TRAF3: variants seen among roughly 807,000 people sequenced by gnomAD.
TRAF3 encodes the protein TNF receptor associated factor 3.
TRAF3 carries 13 observed loss-of-function variants against 62.3 expected under a neutral mutation model. The ratio of observed to expected loss-of-function variants is 0.21; its 90% confidence interval spans 0.14 to 0.33. TRAF3 has a LOEUF of 0.33. Among genes scored for constraint, TRAF3 ranks in the 10% least tolerant of loss-of-function variants. The probability of loss-of-function intolerance (pLI) is 1.00; values close to 1 mark genes in which losing one functional copy is unlikely to be tolerated. For missense variants in TRAF3, 440 were observed against 741.8 expected (o/e 0.59, Z 4.73); for synonymous variants, 269 against 283.4 (o/e 0.95, Z 0.51).
At chr14:102,893,372 A>G (rs1889830741) in intron 9 of TRAF3, among the ~76,000 whole-genome samples, 1 of 150,894 alleles carries the variant, frequency 6.6e-6, no homozygotes, top group Non-Finnish European at 1.5e-5. Context: ...CCTGGGCGAC[A>G]GAATGAGACT....
intron 6 of TRAF3, among the ~76,000 whole-genome samples, chr14:102,880,908 T>C (rs1889013378): frequency 6.6e-6 from 1 of 151,848 alleles, no homozygotes; most frequent in African/African-American, 2.4e-5. Flanking sequence ...AGAAACCCCA[T>C]CTCTATTAAA....
rs1566812248 is a variant in TRAF3, at chr14:102,905,244, CCAGATGCTGAGTGTGCACGA to C, written c.1170_1189del (p.Gln390HisfsTer57). The stretch of plus-strand genomic sequence containing the variant: ...TGGAGTCCCAGCTGAGCCGGCATGA[CCAGATGCTGAGTGTGCACGA>C]CATCCGCCTAGCCGACATGGACCTG... On this transcript the variant is annotated frameshift_variant, in exon 12 of 12. Transcript: ENST00000392745. LOFTEE classifies it high-confidence loss of function. The C allele has an allele frequency of 6.2e-7, 1 of 1,614,120 alleles. No homozygotes were observed. Among genetic ancestry groups the C allele is most frequent in the Non-Finnish European group, 8.5e-7 (1 of 1,180,048 alleles).
intron 7 of TRAF3, among the ~76,000 whole-genome samples, chr14:102,889,130 A>G (rs559961470): frequency 2.6e-5 from 4 of 152,176 alleles, no homozygotes; most frequent in Non-Finnish European, 1.5e-5. Context: ...CTTTGAAAAT[A>G]TATTTATTTT....
At chr14:102,819,300 T>C (rs1899749651) in intron 1 of TRAF3, among the ~76,000 whole-genome samples, 1 of 152,148 alleles carries the variant, frequency 6.6e-6, no homozygotes, top group African/African-American at 2.4e-5. Context: ...GGGCCCTTCC[T>C]GAGTGTTACA....
At position 102,836,244 on chromosome 14, in the gene TRAF3, C is replaced by T. The variant is rs959619690; in HGVS notation, c.-18+5772C>T. On this transcript the variant is annotated intron_variant, in intron 2 of 11. Coordinates refer to ENST00000392745, the MANE Select transcript of TRAF3 (RefSeq NM_145725.3). Reference sequence around the variant, plus strand: ...GCCTGGCTTGTGGATGCCCCTCACTCGCTGAGTCTTTTCTGAAGTCATTTA... The same window carrying T: ...GCCTGGCTTGTGGATGCCCCTCACTTGCTGAGTCTTTTCTGAAGTCATTTA... Among the ~76,000 whole-genome samples the T allele has an allele frequency of 3.9e-5, 6 of 152,222 alleles. No individual in the cohort carries two copies. The South Asian group carries it at 6.2e-4, about 16-fold the overall frequency.
chr14:102,898,633 G>A (rs936027403), intron 10 of TRAF3, among the ~76,000 whole-genome samples: 1 of 152,252 alleles, frequency 6.6e-6, no homozygotes, highest in African/African-American at 2.4e-5. Context: ...AGCCACAACA[G>A]AAGGAAGAAT....
At chr14:102,841,549 G>T (rs1232455827) in intron 2 of TRAF3, among the ~76,000 whole-genome samples, 2 of 152,234 alleles carry the variant, frequency 1.3e-5, no homozygotes, top group Non-Finnish European at 2.9e-5. Context: ...CCTTAGCAGT[G>T]GGGCTGAGTT....
At chr14:102,879,597 T>C (rs1313286197) in intron 6 of TRAF3, among the ~76,000 whole-genome samples, 2 of 151,988 alleles carry the variant, frequency 1.3e-5, no homozygotes, top group East Asian at 3.9e-4. Context: ...AGAGTTTCTT[T>C]TGCTTTTTTC....
chr14:102,859,977 G>A (rs142907417), intron 2 of TRAF3, among the ~76,000 whole-genome samples: 18 of 152,276 alleles, frequency 1.2e-4, no homozygotes, highest in African/African-American at 4.1e-4. Flanking sequence ...AAAGAGAAAC[G>A]CTACAGAACA....
intron 11 of TRAF3, among the ~76,000 whole-genome samples, chr14:102,904,640 C>T (rs1199912161): frequency 4.0e-5 from 6 of 151,102 alleles, no homozygotes; most frequent in Non-Finnish European, 8.8e-5. Flanking sequence ...GAAACCCCAT[C>T]TCTAGTAAAA....
At chr14:102,879,879 G>A (rs1406384588) in intron 6 of TRAF3, among the ~76,000 whole-genome samples, 1 of 152,194 alleles carries the variant, frequency 6.6e-6, no homozygotes, top group African/African-American at 2.4e-5. Context: ...CACTTTGGGA[G>A]GCTGAAACAG....
chr14:102,888,681 T>A (rs1358845768), intron 7 of TRAF3, among the ~76,000 whole-genome samples: 1 of 152,112 alleles, frequency 6.6e-6, no homozygotes, highest in Non-Finnish European at 1.5e-5. Flanking sequence ...ATCCCTAGAG[T>A]TTCCTGATGG....
intron 10 of TRAF3, among the ~76,000 whole-genome samples, chr14:102,900,507 AAAAG>A (rs568015328): frequency 5.5e-4 from 83 of 152,248 alleles, no homozygotes; most frequent in Non-Finnish European, 1.0e-3. Flanking sequence ...TCAAAGAAAA[AAAAG>A]AAGATAGCAT....
chr14:102,785,718 C>T (rs1371061298), intron 1 of TRAF3, among the ~76,000 whole-genome samples: 2 of 152,326 alleles, frequency 1.3e-5, no homozygotes, highest in East Asian at 1.9e-4. Context: ...GTGAGAACCA[C>T]TGTCAAGGTT....
chr14:102,796,169 T>G (rs8018364), intron 1 of TRAF3, among the ~76,000 whole-genome samples: 233 of 152,174 alleles, frequency 1.5e-3, no homozygotes, highest in African/African-American at 5.6e-3. Context: ...GTGAGCCGAG[T>G]TGCACCATTG....
chr14:102,824,084 G>A (rs1900148008), intron 1 of TRAF3, among the ~76,000 whole-genome samples: 2 of 152,166 alleles, frequency 1.3e-5, no homozygotes, highest in Non-Finnish European at 2.9e-5. Flanking sequence ...ACAGGTTTTT[G>A]TGTGGACATG....
chr14:102,853,951 T>C (rs1887207936), intron 2 of TRAF3, among the ~76,000 whole-genome samples: 1 of 152,180 alleles, frequency 6.6e-6, no homozygotes, highest in Admixed American at 6.5e-5. Flanking sequence ...CATTCTTCGC[T>C]TGCCCCAGCC....
At chr14:102,778,325 C>T (rs1897118064) in intron 1 of TRAF3, among the ~76,000 whole-genome samples, 1 of 151,876 alleles carries the variant, frequency 6.6e-6, no homozygotes, top group African/African-American at 2.4e-5. Context: ...TCTCGGCGGG[C>T]TGGCCGGTTC....
At chr14:102,900,055 T>C (rs1890200724) in intron 10 of TRAF3, among the ~76,000 whole-genome samples, 2 of 150,406 alleles carry the variant, frequency 1.3e-5, no homozygotes, top group Non-Finnish European at 1.5e-5. Flanking sequence ...GGTGGGCGCC[T>C]GTAGTCCCAG....
Sources: allele counts gnomAD v4.1 joint callset (sites outside exome capture counted in the v4.1 genomes callset), GRCh38; gene constraint gnomAD v4.1.1; transcripts MANE v1.5; gene names NCBI Gene and HGNC (gene_info 2026-07-23, HGNC 2026-07-21).